Variants in ZCCHC24 observed in about 807,000 individuals in gnomAD.
The protein encoded by ZCCHC24 is zinc finger CCHC-type containing 24.
ZCCHC24 carries 10 observed loss-of-function variants against 26.2 expected under a neutral mutation model. That is an observed-to-expected ratio of 0.38 (90% confidence interval 0.24 to 0.65). The LOEUF (loss-of-function observed/expected upper bound fraction) is 0.65. ZCCHC24 is among the 30% of genes least tolerant of loss of function. The pLI, the probability that ZCCHC24 is intolerant of heterozygous loss-of-function variation, is 0.54. For synonymous variants in ZCCHC24, 144 were observed against 147.1 expected (o/e 0.98, Z 0.15); for missense variants, 243 against 329.1 (o/e 0.74, Z 2.03).
intron 2 of ZCCHC24, among the ~76,000 whole-genome samples, chr10:79,430,686 C>CACCTCACACACACACACACA: frequency 7.1e-6 from 1 of 140,700 alleles, no homozygotes; most frequent in Non-Finnish European, 1.5e-5. Flanking sequence ...CACACACACA[C>CACCTCACACACACACACACA]CACACACACA....
chr10:79,444,960 G>A (rs1397788000), intron 1 of ZCCHC24, among the ~76,000 whole-genome samples: 1 of 152,176 alleles, frequency 6.6e-6, no homozygotes, highest in East Asian at 1.9e-4. Context: ...GGAGAGCTCC[G>A]CCCCGGCCTG....
In ZCCHC24 at chr10:79,382,426, ATCCC is replaced by A. The variant is rs1451978540; in HGVS notation, c.*3915_*3918del. The A allele has an allele frequency of 6.5e-6, 1 of 152,866 alleles. No homozygotes were observed. Among genetic ancestry groups the A allele is most frequent in the Admixed American group, 6.5e-5 (1 of 15,292 alleles). 9.5% of individuals were successfully genotyped at this position (152,866 alleles called of 1,614,324 possible). On this transcript the variant is annotated 3_prime_UTR_variant, in exon 4 of 4. Transcript: ENST00000372336. Reference sequence around the variant, plus strand: ...GGAATAAGGCACACAACGGAATGCCATCCCAAGGGCTGCACTTCGGAGACGTCGG... The same window carrying A: ...GGAATAAGGCACACAACGGAATGCCAAAGGGCTGCACTTCGGAGACGTCGG...
chr10:79,428,100 CA>C (rs1299521615), intron 2 of ZCCHC24, among the ~76,000 whole-genome samples: 1 of 152,136 alleles, frequency 6.6e-6, no homozygotes, highest in Non-Finnish European at 1.5e-5. Context: ...TCACAATAAC[CA>C]AAAGGTGGAA....
At chr10:79,430,113 C>A (rs1316795576) in intron 2 of ZCCHC24, among the ~76,000 whole-genome samples, 2 of 152,220 alleles carry the variant, frequency 1.3e-5, no homozygotes, top group African/African-American at 4.8e-5. Flanking sequence ...ATTTACTAAG[C>A]ACTTCCTGTG....
intron 2 of ZCCHC24, among the ~76,000 whole-genome samples, chr10:79,412,426 C>T (rs1856805892): frequency 2.0e-5 from 3 of 152,246 alleles, no homozygotes; most frequent in Non-Finnish European, 4.4e-5. Context: ...GGCAGCCCCG[C>T]GTACGTACAT....
intron 2 of ZCCHC24, among the ~76,000 whole-genome samples, chr10:79,402,322 C>A (rs1856644505): frequency 1.3e-5 from 2 of 152,118 alleles, no homozygotes; most frequent in Admixed American, 1.3e-4. Context: ...GTCACCCAGG[C>A]TGGAGTGCAG....
intron 2 of ZCCHC24, among the ~76,000 whole-genome samples, chr10:79,429,836 T>A (rs1365221191): frequency 6.6e-6 from 1 of 152,192 alleles, no homozygotes; most frequent in Non-Finnish European, 1.5e-5. Flanking sequence ...CAGGTTTCTT[T>A]CTGTGGTTTA....
At chr10:79,394,234 T>C in intron 3 of ZCCHC24, 42 bp downstream of exon 3, 1 of 1,592,844 alleles carries the variant, frequency 6.3e-7, no homozygotes, top group Non-Finnish European at 8.6e-7. Flanking sequence ...AAAGTTGCCC[T>C]CCCGCGGTCC....
intron 2 of ZCCHC24, among the ~76,000 whole-genome samples, chr10:79,405,090 A>G (rs1357047423): frequency 6.6e-6 from 1 of 152,162 alleles, no homozygotes; most frequent in Non-Finnish European, 1.5e-5. Flanking sequence ...CTTGCCCTGG[A>G]GAAGGCCCTC....
intron 2 of ZCCHC24, among the ~76,000 whole-genome samples, chr10:79,414,040 G>T (rs940233590): frequency 6.6e-6 from 1 of 152,206 alleles, no homozygotes; most frequent in Non-Finnish European, 1.5e-5. Context: ...GCTCCGTGGG[G>T]TCTCTGTTCT....
intron 1 of ZCCHC24, among the ~76,000 whole-genome samples, chr10:79,442,710 C>T (rs1857306431): frequency 6.6e-6 from 1 of 152,216 alleles, no homozygotes; most frequent in African/African-American, 2.4e-5. Flanking sequence ...GACTTGCTTC[C>T]TCTCCGACCA....
chr10:79,432,828 C>T, intron 1 of ZCCHC24, 70 bp from the exon 2 acceptor site: 2 of 1,503,480 alleles, frequency 1.3e-6, no homozygotes, highest in South Asian at 1.2e-5. Flanking sequence ...CCCACCCAAA[C>T]ACACGCATGG....
chr10:79,435,545 C>T (rs993286280), intron 1 of ZCCHC24, among the ~76,000 whole-genome samples: 2 of 152,224 alleles, frequency 1.3e-5, no homozygotes, highest in African/African-American at 4.8e-5. Context: ...CTCCTCATGG[C>T]CTTCCCACCT....
intron 1 of ZCCHC24, among the ~76,000 whole-genome samples, chr10:79,432,984 C>T (rs1441520415): frequency 6.6e-6 from 1 of 152,174 alleles, no homozygotes; most frequent in African/African-American, 2.4e-5. Flanking sequence ...GTAACAGCTC[C>T]TCCTAGGGTT....
rs1302492772 is a variant in ZCCHC24 at position 79,382,641 on chromosome 10, C to G, written c.*3704G>C. 6.5e-6 allele frequency: 1 copy of G among 152,890 alleles called. No homozygotes were observed. The allele number at this position is 152,890 out of a possible 1,614,324, so 9.5% of individuals were successfully genotyped here. A position where few individuals can be genotyped will look rare whatever the true frequency, so the allele number is the denominator to read the frequency against. Reference sequence around the variant, plus strand: ...CCACAGCCCCCAGGGGACCGCTTGGCCATCTCGCTGAAGGCTGGAACACCC... The same window carrying G: ...CCACAGCCCCCAGGGGACCGCTTGGGCATCTCGCTGAAGGCTGGAACACCC... On this transcript the variant is annotated 3_prime_UTR_variant, in exon 4 of 4. Transcript: ENST00000372336.
In ZCCHC24 at chr10:79,386,452, G is replaced by A. The variant is rs776266450; in HGVS notation, c.619C>T (p.Leu207=). ...INVYPHKQRP[L]EKPDGLDVSD... Reference sequence around the variant, plus strand: ...ACGTCCAGGCCGTCGGGCTTCTCCAGGGGTCTCTGCAGAGAGAAGGAGGAA... The same window carrying A: ...ACGTCCAGGCCGTCGGGCTTCTCCAAGGGTCTCTGCAGAGAGAAGGAGGAA... Residue 207 remains leucine (L), a synonymous_variant, in exon 4 of 4, where the codon CTG becomes TTG. Transcript: ENST00000372336. 5 of 1,596,954 alleles carry A rather than the reference G, an allele frequency of 3.1e-6. No individual in the cohort carries two copies. The highest frequency in any genetic ancestry group is 2.7e-5 in the African/African-American group (2 of 74,630).
Position 79,423,317 on chromosome 10 carries a change from G to A in ZCCHC24, c.447+9241C>T, listed in dbSNP as rs1046678910. 6.6e-4 allele frequency among the ~76,000 whole-genome samples: 100 copies of A among 151,784 alleles called. 1 individual carries two copies. Among genetic ancestry groups the A allele is most frequent in the African/African-American group, 2.1e-3 (87 of 41,372 alleles). On this transcript the variant is annotated intron_variant, in intron 2 of 3. Coordinates refer to ENST00000372336, the MANE Select transcript of ZCCHC24 (RefSeq NM_153367.4). ...TGTAATCCCAGCACTTTGGGAGTCC[G>A]AGGCAGGCAGATCTCTTGAGGTCAG... is the stretch of plus-strand genomic sequence containing the variant.
chr10:79,439,148 T>C (rs1447018995), intron 1 of ZCCHC24, among the ~76,000 whole-genome samples: 2 of 152,212 alleles, frequency 1.3e-5, no homozygotes, highest in Non-Finnish European at 2.9e-5. Context: ...TGTATATGCA[T>C]GTGCACGCAT....
At chr10:79,387,228 ACACT>A (rs1425479146) in intron 3 of ZCCHC24, among the ~76,000 whole-genome samples, 5 of 152,120 alleles carry the variant, frequency 3.3e-5, no homozygotes, top group Non-Finnish European at 7.4e-5. Flanking sequence ...GTCCTGCCAC[ACACT>A]CACTGGGTGA....
Sources: allele counts gnomAD v4.1 joint callset (sites outside exome capture counted in the v4.1 genomes callset), GRCh38; gene constraint gnomAD v4.1.1; transcripts MANE v1.5; gene names NCBI Gene and HGNC (gene_info 2026-07-23, HGNC 2026-07-21).